Variants in PI4KA observed in about 807,000 individuals in gnomAD.
PI4KA encodes the protein phosphatidylinositol 4-kinase alpha.
A neutral mutation model predicts 271.4 loss-of-function variants in PI4KA; 122 were observed. That is an observed-to-expected ratio of 0.45 (90% CI 0.39 to 0.52). PI4KA has a LOEUF of 0.52. PI4KA is among the 20% of genes least tolerant of loss of function. The probability of loss-of-function intolerance (pLI) is 0.00; values close to 1 mark genes in which losing one functional copy is unlikely to be tolerated. For missense variants in PI4KA, 1,969 were observed against 2,769.1 expected, an observed-to-expected ratio of 0.71 and a Z score of 6.48; for synonymous variants, 1,041 against 1,078.8, an observed-to-expected ratio of 0.96 and a Z score of 0.69.
Position 20,807,508 on chromosome 22 carries a change from C to T in PI4KA, c.1072-50G>A, listed in dbSNP as rs202067891. 1.2e-5 allele frequency: 13 copies of T among 1,101,148 alleles called. No homozygotes were observed. In the East Asian group the frequency reaches 3.1e-4, roughly 26 times the overall value. 68.2% of individuals were successfully genotyped at this position (1,101,148 alleles called of 1,614,324 possible). ...ACTATAGAACAGAAATGCCCTTCTG[C>T]CCACCCTTTGCCTTCACAGCAAGGC... On this transcript the variant is annotated intron_variant, in intron 9 of 54. Coordinates refer to ENST00000255882, the MANE Select transcript of PI4KA (RefSeq NM_058004.4).
chr22:20,843,804 A>G (rs1004686942), intron 1 of PI4KA, among the ~76,000 whole-genome samples: 1 of 152,056 alleles, frequency 6.6e-6, no homozygotes, highest in African/African-American at 2.4e-5. Context: ...TCCTACTCCA[A>G]TATTTCCACT....
At chr22:20,747,764 T>C in intron 28 of PI4KA, 62 bp from the exon 29 acceptor site, 1 of 1,546,058 alleles carries the variant, frequency 6.5e-7, no homozygotes. Flanking sequence ...AGGCAGGGTC[T>C]CGCTCTGTCA....
At position 20,747,803 on chromosome 22, in the gene PI4KA, T is replaced by C. The variant is rs893475206; in HGVS notation, c.3244-101A>G. 11 of 1,148,982 alleles carry C rather than the reference T, an allele frequency of 9.6e-6. No individual in the cohort carries two copies. The African/African-American group carries it at 1.4e-4, about 14-fold the overall frequency. 71.2% of individuals were successfully genotyped at this position (1,148,982 alleles called of 1,614,324 possible). A position where few individuals can be genotyped will look rare whatever the true frequency, so the allele number is the denominator to read the frequency against. On this transcript the variant is annotated intron_variant, in intron 28 of 54. Transcript: ENST00000255882. ...AGGCTGGAGTGTGGTGGCACGATCA[T>C]GGCTCATTGCAGCCTCGACCTCTTA... is the stretch of plus-strand genomic sequence containing the variant.
At chr22:20,775,430 T>C (rs1933190013) in intron 19 of PI4KA, among the ~76,000 whole-genome samples, 1 of 152,194 alleles carries the variant, frequency 6.6e-6, no homozygotes, top group Non-Finnish European at 1.5e-5. Context: ...TGACGAAAAC[T>C]ATTTTTGGCT....
chr22:20,785,640 C>T (rs977896804), intron 19 of PI4KA, among the ~76,000 whole-genome samples: 4 of 152,014 alleles, frequency 2.6e-5, no homozygotes, highest in Non-Finnish European at 5.9e-5. Context: ...ATATTCGACT[C>T]CTTAATTACA....
At chr22:20,840,216 A>T (rs1420555522) in intron 1 of PI4KA, among the ~76,000 whole-genome samples, 1 of 152,258 alleles carries the variant, frequency 6.6e-6, no homozygotes, top group East Asian at 1.9e-4. Flanking sequence ...ACAACTTTTG[A>T]TAATGTGATC....
chr22:20,722,869 C>T (rs1245189223), intron 42 of PI4KA, among the ~76,000 whole-genome samples: 1 of 152,196 alleles, frequency 6.6e-6, no homozygotes, highest in African/African-American at 2.4e-5. Context: ...TAAAGACAAA[C>T]TATGAATGTT....
chr22:20,808,030 C>T (rs746809514), intron 9 of PI4KA, among the ~76,000 whole-genome samples: 2 of 151,892 alleles, frequency 1.3e-5, no homozygotes, highest in Non-Finnish European at 2.9e-5. Context: ...GTGGCTCACG[C>T]CTGTAATCCC....
intron 1 of PI4KA, among the ~76,000 whole-genome samples, chr22:20,844,149 G>A (rs1925949403): frequency 6.6e-6 from 1 of 152,114 alleles, no homozygotes; most frequent in Non-Finnish European, 1.5e-5. Flanking sequence ...TTACCTTCCT[G>A]ATGTCTTACA....
chr22:20,771,250 C>T (rs1044488256), intron 19 of PI4KA, among the ~76,000 whole-genome samples: 4 of 151,922 alleles, frequency 2.6e-5, no homozygotes, highest in Non-Finnish European at 5.9e-5. Flanking sequence ...TGGTGAAACC[C>T]GTCTCTACTA....
chr22:20,773,800 T>C (rs1933027698), intron 19 of PI4KA: 1 of 152,458 alleles, frequency 6.6e-6, no homozygotes, highest in Admixed American at 6.5e-5. Flanking sequence ...CTACCCTCAA[T>C]GCAGCCTGGT....
intron 49 of PI4KA, 36 bp downstream of exon 49, chr22:20,712,657 C>G (rs200656183): frequency 3.2e-6 from 5 of 1,555,076 alleles, no homozygotes; most frequent in Admixed American, 1.9e-5. Flanking sequence ...GCGAGGTGCC[C>G]AGGGCTGCCC....
intron 9 of PI4KA, among the ~76,000 whole-genome samples, chr22:20,810,331 C>A (rs775013745): frequency 6.6e-6 from 1 of 152,008 alleles, no homozygotes; most frequent in Non-Finnish European, 1.5e-5. Flanking sequence ...ACGGTAAAAC[C>A]CAGTCTCTAC....
chr22:20,774,256 G>A (rs1465435427), intron 19 of PI4KA: 2 of 152,192 alleles, frequency 1.3e-5, no homozygotes, highest in African/African-American at 4.8e-5. Flanking sequence ...TTTCTACACT[G>A]TTTTAGAAGT....
chr22:20,734,877 C>G (rs2147256107), intron 32 of PI4KA, among the ~76,000 whole-genome samples: 1 of 152,250 alleles, frequency 6.6e-6, no homozygotes, highest in South Asian at 2.1e-4. Context: ...TCTCTATAAC[C>G]CTGATAACCC....
chr22:20,753,410 G>C (rs563534055), intron 23 of PI4KA, among the ~76,000 whole-genome samples: 5 of 152,216 alleles, frequency 3.3e-5, no homozygotes, highest in African/African-American at 9.6e-5. Context: ...CTAAACTTCA[G>C]ACTTCGTCTG....
intron 1 of PI4KA, among the ~76,000 whole-genome samples, chr22:20,855,430 A>C (rs1445147057): frequency 6.6e-6 from 1 of 152,170 alleles, no homozygotes; most frequent in African/African-American, 2.4e-5. Context: ...CATATATTTA[A>C]TGGGGTCAGC....
intron 10 of PI4KA, among the ~76,000 whole-genome samples, chr22:20,806,561 T>C (rs1208840332): frequency 6.6e-6 from 1 of 151,702 alleles, no homozygotes; most frequent in Admixed American, 6.6e-5. Context: ...TCCCAGCTAC[T>C]TGGGAGGCTG....
chr22:20,796,066 C>A, intron 18 of PI4KA, 80 bp downstream of exon 18: 1 of 1,356,608 alleles, frequency 7.4e-7, no homozygotes, highest in South Asian at 1.2e-5. Context: ...ATATTCCAAC[C>A]AAGATGGTGC....
Sources: gnomAD v4.1 joint callset for allele counts (sites outside exome capture counted in the v4.1 genomes callset) on GRCh38, gnomAD v4.1.1 for gene constraint, MANE v1.5 for transcripts, NCBI Gene and HGNC (gene_info 2026-07-23, HGNC 2026-07-21) for gene names.